Variants in EIF3F observed in about 807,000 individuals in gnomAD.
EIF3F encodes deubiquitinating enzyme eIF3f.
A neutral mutation model predicts 36.0 loss-of-function variants in EIF3F; 8 were observed. The observed-to-expected ratio is 0.22, with a 90% CI of 0.13 to 0.40. The LOEUF is 0.40. Among genes scored for constraint, EIF3F ranks in the 10% least tolerant of loss-of-function variants. The pLI is 1.00. For synonymous variants in EIF3F, 184 were observed against 188.5 expected, an observed-to-expected ratio of 0.98 and a Z score of 0.19; for missense variants, 430 against 467.6, an observed-to-expected ratio of 0.92 and a Z score of 0.74.
At position 7,996,090 on chromosome 11, in the gene EIF3F, G is replaced by C; in HGVS notation, c.*68G>C. On this transcript the variant is annotated 3_prime_UTR_variant, in exon 8 of 8. Transcript: ENST00000651655. ...CAGGACTCAGAAGTGAAGGAGAAAT[G>C]GGTTTTTTGTGGTCTTGAGTCACAC... 2 of 1,496,866 alleles carry C rather than the reference G, an allele frequency of 1.3e-6. No individual in the cohort carries two copies. Among genetic ancestry groups the C allele is most frequent in the South Asian group, 2.3e-5 (2 of 88,544 alleles). 92.7% of individuals were successfully genotyped at this position (1,496,866 alleles called of 1,614,324 possible).
chr11:7,992,402 A>G (rs1942107913), intron 3 of EIF3F: 1 of 543,134 alleles, frequency 1.8e-6, no homozygotes, highest in East Asian at 3.2e-5. Context: ...CCCTGTCTCT[A>G]CAAAAACATT....
Position 7,992,087 on chromosome 11 carries a change from G to T in EIF3F, c.439G>T (p.Ala147Ser). 1 of 1,613,362 alleles carries T rather than the reference G, an allele frequency of 6.2e-7. No homozygotes were observed. Reference sequence around the variant, plus strand: ...GCTTTCCTGCCTTCCCTCTTAGGTGGCTGTTGACATGGAATTTGCTAAGAA... The same window carrying T: ...GCTTTCCTGCCTTCCCTCTTAGGTGTCTGTTGACATGGAATTTGCTAAGAA... ...VPHNESEDEV[A>S]VDMEFAKNMY... is the part of the protein sequence containing the mutation. The change falls in exon 3 of 8, where the codon GCT becomes TCT. Residue 147 changes from alanine (A) to serine (S), a missense_variant. Transcript: ENST00000651655.
intron 5 of EIF3F, chr11:7,994,779 G>A: frequency 1.3e-6 from 1 of 775,436 alleles, no homozygotes; most frequent in South Asian, 1.9e-5. Context: ...GAGCATACCA[G>A]GTAAAAGGAG....
intron 1 of EIF3F, among the ~76,000 whole-genome samples, chr11:7,988,229 A>AG (rs1225246706): frequency 6.6e-6 from 1 of 152,224 alleles, no homozygotes; most frequent in African/African-American, 2.4e-5. Flanking sequence ...TTGTAAAAAA[A>AG]CATTCCTCCC....
Position 7,987,639 on chromosome 11 carries a change from C to T in EIF3F, c.287C>T (p.Pro96Leu). Residue 96 changes from proline (P) to leucine (L), a missense_variant, in exon 1 of 8, where the codon CCA (proline) becomes CTA (leucine). This residue lies in a region of EIF3F where 262 missense variants were observed against 347.4 expected (regional missense o/e 0.75). Transcript: ENST00000651655. The part of the protein sequence containing the change: ...FPGGRVVRLH[P>L]VILASIVDSY... ...GGCGGCCGCGTGGTCAGGCTGCACC[C>T]AGTCATTTTGGCCTCCATTGTGGAC... is the stretch of plus-strand genomic sequence containing the variant. 1 of 1,567,464 alleles carries T rather than the reference C, an allele frequency of 6.4e-7. No homozygotes were observed. The highest frequency in any genetic ancestry group is 8.7e-7 in the Non-Finnish European group (1 of 1,156,032).
intron 4 of EIF3F, among the ~76,000 whole-genome samples, chr11:7,993,742 A>G (rs944681578): frequency 6.6e-6 from 1 of 152,196 alleles, no homozygotes; most frequent in Admixed American, 6.5e-5. Context: ...GTGGATGCCA[A>G]GTCTTTATGA....
intron 6 of EIF3F, 42 bp downstream of exon 6, chr11:7,995,160 T>A: frequency 3.1e-6 from 5 of 1,610,244 alleles, no homozygotes; most frequent in Non-Finnish European, 4.2e-6. Flanking sequence ...GACATAGTTC[T>A]CTATCCTGGG....
At chr11:7,992,801 G>A (rs1942112754) in intron 3 of EIF3F, 86 bp from the exon 4 acceptor site, 1 of 1,584,334 alleles carries the variant, frequency 6.3e-7, no homozygotes, top group South Asian at 1.1e-5. Flanking sequence ...GAAGTGTCCG[G>A]TACCCTGAAG....
intron 3 of EIF3F, chr11:7,992,536 C>T: frequency 2.3e-6 from 1 of 425,834 alleles, no homozygotes; most frequent in Non-Finnish European, 4.3e-6. Context: ...CATGCCTTGC[C>T]ACTGCATTCC....
intron 1 of EIF3F, among the ~76,000 whole-genome samples, chr11:7,989,384 A>C (rs1426619115): frequency 6.6e-6 from 1 of 152,210 alleles, no homozygotes; most frequent in Non-Finnish European, 1.5e-5. Context: ...TCTAATCTAC[A>C]TCCTCAGATC....
rs1475334298 is a variant in EIF3F at position 7,992,305 on chromosome 11, C to T, written c.515+142C>T. 3 of 742,568 alleles carry T rather than the reference C, an allele frequency of 4.0e-6. No homozygotes were observed. In the East Asian group the frequency reaches 8.1e-5, roughly 20 times the overall value. The allele number at this position is 742,568 out of a possible 1,614,324, so 46.0% of individuals were successfully genotyped here. A position where few individuals can be genotyped will look rare whatever the true frequency, so the allele number is the denominator to read the frequency against. On this transcript the variant is annotated intron_variant, in intron 3 of 7. Transcript: ENST00000651655. ...GTATTACTGACTGTGAGCAGTGGCTCAATGCCTGTAATCCCAGCTGGGAGG... is the reference window on the plus strand; with the variant it reads ...GTATTACTGACTGTGAGCAGTGGCTTAATGCCTGTAATCCCAGCTGGGAGG...
Position 7,996,104 on chromosome 11 carries a change from C to T in EIF3F, c.*82C>T, listed in dbSNP as rs1293413598. On this transcript the variant is annotated 3_prime_UTR_variant, in exon 8 of 8. Transcript: ENST00000651655. ...GAAGGAGAAATGGGTTTTTTGTGGT[C>T]TTGAGTCACACTGAGATAGTCAGTT... The T allele has an allele frequency of 2.1e-5, 27 of 1,268,410 alleles. No individual in the cohort carries two copies. Among genetic ancestry groups the T allele is most frequent in the Non-Finnish European group, 3.1e-5 (27 of 867,882 alleles). 78.6% of individuals were successfully genotyped at this position (1,268,410 alleles called of 1,614,324 possible).
rs1012584455 is a variant in EIF3F at position 7,998,143 on chromosome 11, A to C, written c.*2121A>C. ...TTATCTATAGTAGTTATGTTTTATA[A>C]AGTCACCATGAACACTGAATTAGAG... On this transcript the variant is annotated 3_prime_UTR_variant, in exon 8 of 8. Coordinates refer to ENST00000651655, the MANE Select transcript of EIF3F (RefSeq NM_003754.3). 1 of 152,178 alleles carries C rather than the reference A, an allele frequency of 6.6e-6. No individual in the cohort carries two copies. The highest frequency in any genetic ancestry group is 1.5e-5 in the Non-Finnish European group (1 of 68,040). 9.4% of individuals were successfully genotyped at this position (152,178 alleles called of 1,614,324 possible). A position where few individuals can be genotyped will look rare whatever the true frequency, so the allele number is the denominator to read the frequency against.
chr11:7,995,135 A>G lies in EIF3F; in HGVS notation c.882+17A>G. 1 of 1,612,918 alleles carries G rather than the reference A, an allele frequency of 6.2e-7. No homozygotes were observed. The highest frequency in any genetic ancestry group is 8.5e-7 in the Non-Finnish European group (1 of 1,179,154). On this transcript the variant is annotated intron_variant, in intron 6 of 7. Coordinates refer to ENST00000651655, the MANE Select transcript of EIF3F (RefSeq NM_003754.3). Reference sequence around the variant, plus strand: ...GATGTACTGGTGAGAGGGGAAAGAAAAAACAAAGGGGGAGGACATAGTTCT... The same window carrying G: ...GATGTACTGGTGAGAGGGGAAAGAAGAAACAAAGGGGGAGGACATAGTTCT...
Position 7,991,859 on chromosome 11 carries a change from G to A in EIF3F, c.435+8G>A, listed in dbSNP as rs1302834537. 6.2e-7 allele frequency: 1 copy of A among 1,614,116 alleles called. No individual in the cohort carries two copies. Among genetic ancestry groups the A allele is most frequent in the Non-Finnish European group, 8.5e-7 (1 of 1,180,016 alleles). ...AATGAGTCAGAAGATGAAGTGAGTG[G>A]GAATCCAAGCTGTCCCTCTGCAGTT... is the stretch of plus-strand genomic sequence containing the variant. On this transcript the variant is annotated splice_region_variant and intron_variant, in intron 2 of 7. Transcript: ENST00000651655.
In EIF3F at chr11:8,001,139, G is replaced by A. The variant is rs572008203; in HGVS notation, c.*5117G>A. On this transcript the variant is annotated 3_prime_UTR_variant, in exon 8 of 8. Coordinates refer to ENST00000651655, the MANE Select transcript of EIF3F (RefSeq NM_003754.3). ...ACAGCTCACACACAGACACACAAATGTGAAAAGATGCTTGATCTCACTGAT... is the reference window on the plus strand; with the variant it reads ...ACAGCTCACACACAGACACACAAATATGAAAAGATGCTTGATCTCACTGAT... The A allele has an allele frequency of 2.6e-5, 4 of 152,196 alleles. No individual in the cohort carries two copies. Among genetic ancestry groups the A allele is most frequent in the South Asian group, 2.1e-4 (1 of 4,828 alleles). 9.4% of individuals were successfully genotyped at this position (152,196 alleles called of 1,614,324 possible).
intron 4 of EIF3F, 30 bp from the exon 5 acceptor site, chr11:7,994,396 A>G (rs745984688): frequency 5.4e-5 from 86 of 1,602,006 alleles, no homozygotes; most frequent in Admixed American, 1.7e-5. Flanking sequence ...TCCCAAGGCC[A>G]TCTGTTTACT....
intron 7 of EIF3F, 196 bp downstream of exon 7, chr11:7,995,563 C>G: frequency 1.6e-6 from 1 of 610,222 alleles, no homozygotes; most frequent in Non-Finnish European, 2.9e-6. Flanking sequence ...TTCCTTCTCC[C>G]ATGATTCCAT....
rs1263645095 is a variant in EIF3F, at chr11:7,996,043, T to A, written c.*21T>A. ...TGTGAATGGACCCCAAGCAGTACAC[T>A]TGCTGGTCTAGGTATTAACCCCAGG... On this transcript the variant is annotated 3_prime_UTR_variant, in exon 8 of 8. Coordinates refer to ENST00000651655, the MANE Select transcript of EIF3F (RefSeq NM_003754.3). 1 of 1,611,946 alleles carries A rather than the reference T, an allele frequency of 6.2e-7. No individual in the cohort carries two copies. The highest frequency in any genetic ancestry group is 1.3e-5 in the African/African-American group (1 of 74,890).
Sources: allele counts gnomAD v4.1 joint callset (sites outside exome capture counted in the v4.1 genomes callset), GRCh38; gene constraint gnomAD v4.1.1; regional missense constraint gnomAD v4.1.1; transcripts MANE v1.5; gene names NCBI Gene and HGNC (gene_info 2026-07-23, HGNC 2026-07-21).